The following RPL32 variants were observed in gnomAD, a reference collection of about 807,000 sequenced individuals.
RPL32 encodes the protein ribosomal protein L32.
For synonymous variants in RPL32, 61 were observed against 62.6 expected (o/e 0.98, Z 0.12); for missense variants, 117 against 173.7 (o/e 0.67, Z 1.83).
chr3:12,836,084 C>G lies in RPL32; in HGVS notation c.*10G>C. 6.2e-7 allele frequency: 1 copy of G among 1,610,916 alleles called. No individual in the cohort carries two copies. The highest frequency in any genetic ancestry group is 8.5e-7 in the Non-Finnish European group (1 of 1,179,978). ...CATTTATTTAAACAGAAAACGTGCA[C>G]ATGAGCTGCCTACTCATTTTCTTCA... On this transcript the variant is annotated 3_prime_UTR_variant, in exon 4 of 4. Transcript: ENST00000429711.
rs1397531488 is a variant in RPL32 at position 12,839,544 on chromosome 3, T to C, written c.97-14A>G. On this transcript the variant is annotated splice_polypyrimidine_tract_variant and intron_variant, in intron 2 of 3. Coordinates refer to ENST00000429711, the MANE Select transcript of RPL32 (RefSeq NM_000994.4). ...CCGCCAGTTACGCTGAAGGAAATAA[T>C]ACACAGGTGGGTTAGCGTCTGTGCA... 1.9e-6 allele frequency: 3 copies of C among 1,613,646 alleles called. No homozygotes were observed. Among genetic ancestry groups the C allele is most frequent in the East Asian group, 4.5e-5 (2 of 44,892 alleles).
At chr3:12,839,554 G>A in intron 2 of RPL32, 24 bp from the exon 3 acceptor site, 1 of 1,611,486 alleles carries the variant, frequency 6.2e-7, no homozygotes, top group Non-Finnish European at 8.5e-7. Context: ...TACACAGGTG[G>A]GTTAGCGTCT....
chr3:12,836,717 C>T (rs1236090012), intron 3 of RPL32, among the ~76,000 whole-genome samples: 1 of 152,238 alleles, frequency 6.6e-6, no homozygotes, highest in Non-Finnish European at 1.5e-5. Context: ...TGCTTAAAGT[C>T]ACCCAGTCAT....
In RPL32 at chr3:12,839,706, T is replaced by G. The variant is rs958515800; in HGVS notation, c.97-176A>C. On this transcript the variant is annotated intron_variant, in intron 2 of 3. Transcript: ENST00000429711. ...GTGGGAAAAACCAGGAGCTCGTGGC[T>G]TTAGCCACTAGGGATGAAGGCACCC... The G allele has an allele frequency of 2.2e-5, 15 of 683,992 alleles. No individual in the cohort carries two copies. In the African/African-American group the frequency reaches 2.7e-4, roughly 12 times the overall value. The allele number at this position is 683,992 out of a possible 1,614,324, so 42.4% of individuals were successfully genotyped here.
chr3:12,837,648 C>T (rs896037885), intron 3 of RPL32, among the ~76,000 whole-genome samples: 3 of 152,232 alleles, frequency 2.0e-5, no homozygotes, highest in Admixed American at 6.5e-5. Flanking sequence ...TGGAAGGTAA[C>T]CACGTTAGAA....
chr3:12,834,534 C>T lies in RPL32; in HGVS notation c.*1560G>A, dbSNP rs150100042. On this transcript the variant is annotated 3_prime_UTR_variant, in exon 4 of 4. Coordinates refer to ENST00000429711, the MANE Select transcript of RPL32 (RefSeq NM_000994.4). The stretch of plus-strand genomic sequence containing the variant: ...GAAATTTGGAAGATGATACGGGTTT[C>T]TTTTTTCCAGGGAGGAGGAATGGGT... 2 of 154,578 alleles carry T rather than the reference C, an allele frequency of 1.3e-5. No individual in the cohort carries two copies. Among genetic ancestry groups the T allele is most frequent in the African/African-American group, 4.8e-5 (2 of 41,442 alleles). The allele number at this position is 154,578 out of a possible 1,614,324, so 9.6% of individuals were successfully genotyped here.
At chr3:12,836,372 G>A in intron 3 of RPL32, 149 bp from the exon 4 acceptor site, 1 of 889,564 alleles carries the variant, frequency 1.1e-6, no homozygotes, top group Non-Finnish European at 1.7e-6. Flanking sequence ...CCCAAATCCT[G>A]ACTATGGTTC....
Position 12,839,357 on chromosome 3 carries a change from C to T in RPL32, c.270G>A (p.Met90Ile), listed in dbSNP as rs1361258212. ...GGTGGGACCCAACTCACTTGTTGCA[C>T]ATCAGCAGCACTTCCAGCTCCTTGA... ...HNVKELEVLLMCNKSYCAEIA... is the reference protein window; with the variant it reads ...HNVKELEVLLICNKSYCAEIA... The change falls in exon 3 of 4, where the codon ATG (methionine) becomes ATA (isoleucine). Residue 90 changes from methionine (M) to isoleucine (I), a missense_variant. By Grantham distance (10) the Met-to-Ile change is conservative. Transcript: ENST00000429711. 1 of 1,614,042 alleles carries T rather than the reference C, an allele frequency of 6.2e-7. No homozygotes were observed.
intron 3 of RPL32, 100 bp downstream of exon 3, chr3:12,839,249 C>T: frequency 1.2e-5 from 13 of 1,108,768 alleles, no homozygotes; most frequent in South Asian, 2.8e-5. Context: ...CAACACCCCC[C>T]GCCAAAATGC....
At position 12,840,201 on chromosome 3, in the gene RPL32, C is replaced by A. The variant is rs1192173208; in HGVS notation, c.37G>T (p.Val13Phe). 4 of 1,613,958 alleles carry A rather than the reference C, an allele frequency of 2.5e-6. No individual in the cohort carries two copies. Among genetic ancestry groups the A allele is most frequent in the African/African-American group, 1.3e-5 (1 of 75,040 alleles). The change falls in exon 2 of 4, where the codon GTC (valine) becomes TTC (phenylalanine). Residue 13 changes from valine to phenylalanine, a missense_variant. Val to Phe is a conservative substitution (Grantham distance 50). Transcript: ENST00000429711. ...ALRPLVKPKI[V>F]KKRTKKFIRH... is the part of the protein sequence containing the mutation. ...ATGAACTTCTTGGTTCTCTTTTTGA[C>A]GATCTTGGGCTTCACAAGGGGTCTG...
intron 3 of RPL32, among the ~76,000 whole-genome samples, chr3:12,836,782 C>CT (rs2062103566): frequency 6.6e-6 from 1 of 152,228 alleles, no homozygotes. Flanking sequence ...TTCCTCACAA[C>CT]TTTTTAAGAG....
intron 3 of RPL32, among the ~76,000 whole-genome samples, chr3:12,837,421 G>T (rs1415785816): frequency 6.6e-6 from 1 of 152,208 alleles, no homozygotes; most frequent in East Asian, 1.9e-4. Flanking sequence ...TATTTCTATG[G>T]ATCTTAAAGA....
intron 1 of RPL32, chr3:12,841,015 T>C (rs192207177): frequency 1.3e-5 from 2 of 154,176 alleles, no homozygotes; most frequent in Non-Finnish European, 2.9e-5. Context: ...TACCAGAATT[T>C]CTGCCTGCAG....
chr3:12,837,737 C>T (rs1303044547), intron 3 of RPL32, among the ~76,000 whole-genome samples: 1 of 152,222 alleles, frequency 6.6e-6, no homozygotes, highest in Non-Finnish European at 1.5e-5. Context: ...TAAACACAAA[C>T]ATCCTAGTTA....
At position 12,839,533 on chromosome 3, in the gene RPL32, G is replaced by A; in HGVS notation, c.97-3C>T. On this transcript the variant is annotated splice_polypyrimidine_tract_variant and splice_region_variant and intron_variant, in intron 2 of 3. Coordinates refer to ENST00000429711, the MANE Select transcript of RPL32 (RefSeq NM_000994.4). Reference sequence around the variant, plus strand: ...CCTCTGGGTTTCCGCCAGTTACGCTGAAGGAAATAATACACAGGTGGGTTA... The same window carrying A: ...CCTCTGGGTTTCCGCCAGTTACGCTAAAGGAAATAATACACAGGTGGGTTA... The A allele has an allele frequency of 6.2e-7, 1 of 1,614,114 alleles. No individual in the cohort carries two copies. Among genetic ancestry groups the A allele is most frequent in the Non-Finnish European group, 8.5e-7 (1 of 1,179,946 alleles).
Position 12,836,084 on chromosome 3 carries a change from CAT to C in RPL32, c.*8_*9del. The stretch of plus-strand genomic sequence containing the variant: ...CATTTATTTAAACAGAAAACGTGCA[CAT>C]GAGCTGCCTACTCATTTTCTTCACT... On this transcript the variant is annotated 3_prime_UTR_variant, in exon 4 of 4. Transcript: ENST00000429711. 1.2e-6 allele frequency: 2 copies of C among 1,610,916 alleles called. No homozygotes were observed. The highest frequency in any genetic ancestry group is 8.5e-7 in the Non-Finnish European group (1 of 1,179,978).
At chr3:12,840,484 T>C in intron 1 of RPL32, 1 of 643,964 alleles carries the variant, frequency 1.6e-6, no homozygotes, top group South Asian at 1.4e-5. Flanking sequence ...GCCCAAAGAA[T>C]GCCAACAGCT....
chr3:12,840,793 A>T (rs934416516), intron 1 of RPL32: 1 of 268,058 alleles, frequency 3.7e-6, no homozygotes, highest in Non-Finnish European at 7.6e-6. Context: ...TCAAACCTGG[A>T]GATCTTCCAG....
At chr3:12,840,742 C>T (rs2062145516) in intron 1 of RPL32, 2 of 330,328 alleles carry the variant, frequency 6.1e-6, no homozygotes, top group African/African-American at 2.2e-5. Context: ...GCTACCACAC[C>T]CTCAACACAC....
Sources: allele counts gnomAD v4.1 joint callset (sites outside exome capture counted in the v4.1 genomes callset), GRCh38; gene constraint gnomAD v4.1.1; transcripts MANE v1.5; gene names NCBI Gene and HGNC (gene_info 2026-07-23, HGNC 2026-07-21).